Variants in ODF2L observed in about 807,000 individuals in gnomAD.
The protein encoded by ODF2L is outer dense fiber of sperm tails 2 like.
A neutral mutation model predicts 86.3 loss-of-function variants in ODF2L; 76 were observed. The observed-to-expected ratio is 0.88, with a 90% CI of 0.73 to 1.07. The LOEUF (loss-of-function observed/expected upper bound fraction) is 1.07, where lower values mean the gene tolerates loss of function less well. Among genes scored for constraint, ODF2L ranks in the 50% least tolerant of loss-of-function variants. The probability of loss-of-function intolerance (pLI) is 0.00; values close to 1 mark genes in which losing one functional copy is unlikely to be tolerated. For missense variants in ODF2L, 748 were observed against 717.4 expected, an observed-to-expected ratio of 1.04 and a Z score of -0.49; for synonymous variants, 241 against 231.3, an observed-to-expected ratio of 1.04 and a Z score of -0.38.
chr1:86,367,276 T>C (rs1464274030), intron 11 of ODF2L, among the ~76,000 whole-genome samples: 1 of 152,196 alleles, frequency 6.6e-6, no homozygotes, highest in Non-Finnish European at 1.5e-5. Flanking sequence ...TTTTTAGACA[T>C]GTAAGACTAT....
chr1:86,353,383 T>C (rs1265011477), intron 16 of ODF2L, among the ~76,000 whole-genome samples: 6 of 152,126 alleles, frequency 3.9e-5, no homozygotes, highest in Non-Finnish European at 8.8e-5. Context: ...ATTAATAGAA[T>C]TGGGAGCAGG....
chr1:86,359,897 T>C (rs761826753), intron 12 of ODF2L, among the ~76,000 whole-genome samples: 1 of 152,210 alleles, frequency 6.6e-6, no homozygotes, highest in Admixed American at 6.5e-5. Context: ...TCCCATCTTA[T>C]GAAGTTTTTT....
At chr1:86,357,120 T>C (rs1024473455) in intron 13 of ODF2L, among the ~76,000 whole-genome samples, 49 of 152,210 alleles carry the variant, frequency 3.2e-4, no homozygotes, top group African/African-American at 1.1e-3. Context: ...GCCTTTAATT[T>C]GGCCATTAAT....
chr1:86,384,674 A>C lies in ODF2L; in HGVS notation c.372+2T>G, dbSNP rs1660810337. On this transcript the variant is annotated splice_donor_variant, in intron 4 of 17. Coordinates refer to ENST00000317336, the Ensembl canonical transcript of ODF2L. LOFTEE classifies it high-confidence loss of function. ...AATGAGTGCTTAGTGTTGATGCCTT[A>C]CTTGTTTGTAGTCTCTCTTTCTAAG... 1 of 1,450,766 alleles carries C rather than the reference A, an allele frequency of 6.9e-7. No homozygotes were observed. The highest frequency in any genetic ancestry group is 1.5e-5 in the African/African-American group (1 of 68,034). The allele number at this position is 1,450,766 out of a possible 1,614,324, so 89.9% of individuals were successfully genotyped here.
chr1:86,355,398 G>A, intron 14 of ODF2L: 1 of 1,501,518 alleles, frequency 6.7e-7, no homozygotes, highest in African/African-American at 1.4e-5. Context: ...TCTAAATAAT[G>A]TAAGAAGCTT....
intron 13 of ODF2L, chr1:86,358,172 G>A (rs1006869210): frequency 6.0e-5 from 42 of 703,508 alleles, no homozygotes; most frequent in Non-Finnish European, 7.2e-5. Flanking sequence ...CACTAACATC[G>A]CATGACCTCT....
At chr1:86,369,314 A>G (rs1659643841) in intron 10 of ODF2L, among the ~76,000 whole-genome samples, 1 of 152,210 alleles carries the variant, frequency 6.6e-6, no homozygotes, top group African/African-American at 2.4e-5. Context: ...ATTTTTTAAA[A>G]TCTTTCTTAA....
intron 13 of ODF2L, chr1:86,357,831 C>T (rs1570358419): frequency 3.0e-6 from 3 of 985,154 alleles, no homozygotes. Context: ...GGCTCCAACC[C>T]TTTCCGTCAT....
At chr1:86,360,534 A>C (rs1365367569) in exon 12 of ODF2L, 6 of 1,458,880 alleles carry the variant, frequency 4.1e-6, no homozygotes, top group Non-Finnish European at 5.7e-6. Context: ...CAGCAAGTGT[A>C]GTCTAGCAAA....
At chr1:86,387,786 C>T (rs1283804446) in intron 1 of ODF2L, among the ~76,000 whole-genome samples, 2 of 152,100 alleles carry the variant, frequency 1.3e-5, no homozygotes, top group Admixed American at 6.5e-5. Flanking sequence ...CTTTTCCCAA[C>T]TCTAACAATA....
exon 8 of ODF2L, chr1:86,376,400 C>A: frequency 6.3e-7 from 1 of 1,593,558 alleles, no homozygotes; most frequent in Non-Finnish European, 8.5e-7. Flanking sequence ...TTCCACTTGG[C>A]TATCTTGGTT....
chr1:86,364,033 C>T (rs1193928902), intron 11 of ODF2L, among the ~76,000 whole-genome samples: 1 of 151,936 alleles, frequency 6.6e-6, no homozygotes, highest in Non-Finnish European at 1.5e-5. Flanking sequence ...CTTAAAAATC[C>T]AGAAAATAAT....
intron 7 of ODF2L, chr1:86,381,812 C>G (rs35908397): frequency 0.038 from 5,801 of 151,912 alleles, 177 homozygotes; most frequent in African/African-American, 0.08. Context: ...CGATTAGTAA[C>G]AAAAAATAAA....
chr1:86,354,691 T>G (rs1323514953), exon 16 of ODF2L: 1 of 1,604,218 alleles, frequency 6.2e-7, no homozygotes, highest in Non-Finnish European at 8.5e-7. Flanking sequence ...TGTTCTAATT[T>G]TCTTTTTACA....
At chr1:86,360,456 C>A (rs1366471558) in exon 12 of ODF2L, 3 of 1,576,584 alleles carry the variant, frequency 1.9e-6, no homozygotes, top group South Asian at 1.1e-5. Flanking sequence ...TAAGGGTTTT[C>A]TGTTTTTTTT....
chr1:86,368,187 A>T (rs1659571263), intron 11 of ODF2L, among the ~76,000 whole-genome samples: 1 of 152,132 alleles, frequency 6.6e-6, no homozygotes, highest in Admixed American at 6.6e-5. Context: ...TGCTTATTGT[A>T]TATTGCCCTT....
At chr1:86,366,032 T>C (rs1659389229) in intron 11 of ODF2L, among the ~76,000 whole-genome samples, 1 of 152,142 alleles carries the variant, frequency 6.6e-6, no homozygotes, top group South Asian at 2.1e-4. Context: ...CAAAGACGCA[T>C]GTATTTTGGC....
At chr1:86,365,822 G>T (rs1659368465) in intron 11 of ODF2L, among the ~76,000 whole-genome samples, 1 of 152,074 alleles carries the variant, frequency 6.6e-6, no homozygotes, top group African/African-American at 2.4e-5. Flanking sequence ...GTGAGACCTG[G>T]GTTTGAAAAG....
rs1280235057 is a variant in ODF2L at position 86,360,383 on chromosome 1, G to T, written c.1254+43C>A. Reference sequence around the variant, plus strand: ...TTACAAAGAAATAGTGTTTTAAATTGTCTACCAATTTTAGTAAACACTAAA... The same window carrying T: ...TTACAAAGAAATAGTGTTTTAAATTTTCTACCAATTTTAGTAAACACTAAA... On this transcript the variant is annotated intron_variant, in intron 12 of 17. Coordinates refer to ENST00000317336, the Ensembl canonical transcript of ODF2L. The T allele has an allele frequency of 3.5e-6, 3 of 862,082 alleles. No individual in the cohort carries two copies. In the South Asian group the frequency reaches 4.5e-5, roughly 13 times the overall value. 53.4% of individuals were successfully genotyped at this position (862,082 alleles called of 1,614,324 possible).
Sources: allele counts gnomAD v4.1 joint callset (sites outside exome capture counted in the v4.1 genomes callset), GRCh38; gene constraint gnomAD v4.1.1; transcripts MANE v1.5; gene names NCBI Gene and HGNC (gene_info 2026-07-23, HGNC 2026-07-21).